The following OR51B5 variants were observed in gnomAD, a reference collection of about 807,000 sequenced individuals.
OR51B5 encodes the protein olfactory receptor 51B5.
For missense variants in OR51B5, 456 were observed against 374.6 expected (o/e 1.22, Z -1.79); for synonymous variants, 186 against 144.8 (o/e 1.28, Z -2.04).
chr11:5,423,131 C>A (rs1850382885), intron 1 of OR51B5: 6 of 1,599,120 alleles, frequency 3.8e-6, no homozygotes, highest in South Asian at 1.1e-5. Context: ...TTTCCTTTCC[C>A]TCAAAAATAT....
intron 1 of OR51B5, chr11:5,422,010 G>C (rs1321445307): frequency 1.8e-6 from 1 of 553,412 alleles, no homozygotes; most frequent in Non-Finnish European, 3.2e-6. Context: ...TGTGGGAGCA[G>C]TCTGCAGAAT....
intron 1 of OR51B5, among the ~76,000 whole-genome samples, chr11:5,407,272 T>C (rs958768487): frequency 6.6e-6 from 1 of 152,186 alleles, no homozygotes; most frequent in African/African-American, 2.4e-5. Context: ...CATATAATAA[T>C]AATCACCTGC....
rs549878637 is a variant in OR51B5 at position 5,450,323 on chromosome 11, A to C, written n.84+55246T>G. On this transcript the variant is annotated intron_variant and non_coding_transcript_variant, in intron 1 of 4. Transcript: ENST00000415970. ...AGAATCACCTGAACCTGGGAGACAGAGGTTGCAGTGAGCCAAGATTGCACC... is the reference window on the plus strand; with the variant it reads ...AGAATCACCTGAACCTGGGAGACAGCGGTTGCAGTGAGCCAAGATTGCACC... 5.3e-5 allele frequency among the ~76,000 whole-genome samples: 8 copies of C among 152,306 alleles called. No homozygotes were observed. The Middle Eastern group carries it at 0.014, about 259-fold the overall frequency.
chr11:5,478,904 T>C (rs4910803), intron 1 of OR51B5, among the ~76,000 whole-genome samples: 138,540 of 150,312 alleles, frequency 0.92, 64,278 homozygotes, highest in South Asian at 0.99. Context: ...CTGAAAGTGA[T>C]GAGGAGAATG....
chr11:5,376,888 G>A (rs1167462760), intron 1 of OR51B5, among the ~76,000 whole-genome samples: 1 of 147,494 alleles, frequency 6.8e-6, no homozygotes, highest in East Asian at 1.9e-4. Context: ...GGTACAAGGA[G>A]GAATTGGTAC....
At chr11:5,430,556 A>G in intron 1 of OR51B5, 2 of 368,100 alleles carry the variant, frequency 5.4e-6, no homozygotes, top group Non-Finnish European at 5.4e-6. Context: ...CCTTGTTCCT[A>G]TTCCTCCTCA....
At chr11:5,366,706 AGAG>A (rs1849374950) in intron 1 of OR51B5, among the ~76,000 whole-genome samples, 1 of 151,740 alleles carries the variant, frequency 6.6e-6, no homozygotes, top group South Asian at 2.1e-4. Flanking sequence ...AAGAAAAAGT[AGAG>A]GAGGAGGAAA....
intron 1 of OR51B5, among the ~76,000 whole-genome samples, chr11:5,480,604 C>A (rs1275674577): frequency 2.0e-4 from 31 of 151,812 alleles, no homozygotes; most frequent in Non-Finnish European, 7.4e-5. Context: ...AATTGATAGA[C>A]CGCTAGCAAG....
At chr11:5,401,397 T>C (rs1371965713) in intron 1 of OR51B5, among the ~76,000 whole-genome samples, 1 of 152,232 alleles carries the variant, frequency 6.6e-6, no homozygotes, top group African/African-American at 2.4e-5. Context: ...GAATCTTCCA[T>C]GCCTTTGCAC....
At chr11:5,340,369 T>G (rs1023059829), downstream of OR51B5, 3 of 152,156 alleles carry the variant, frequency 2.0e-5, no homozygotes. Flanking sequence ...ATCTATAATT[T>G]ACTCTAAATA....
intron 1 of OR51B5, among the ~76,000 whole-genome samples, chr11:5,358,553 C>T (rs149753861): frequency 6.6e-6 from 1 of 152,022 alleles, no homozygotes. Flanking sequence ...CAGCCAAATT[C>T]TACCAGAGGT....
At chr11:5,394,403 A>T (rs911386228) in intron 1 of OR51B5, among the ~76,000 whole-genome samples, 11 of 152,194 alleles carry the variant, frequency 7.2e-5, no homozygotes, top group African/African-American at 2.4e-4. Context: ...ACCAAAAAAA[A>T]CATAAAATCA....
At chr11:5,383,076 G>C (rs573420937) in intron 1 of OR51B5, among the ~76,000 whole-genome samples, 2 of 151,376 alleles carry the variant, frequency 1.3e-5, no homozygotes, top group Non-Finnish European at 3.0e-5. Context: ...ATAGTCTGGG[G>C]AAGAAGTACA....
intron 1 of OR51B5, among the ~76,000 whole-genome samples, chr11:5,388,753 G>A (rs2133727004): frequency 6.6e-6 from 1 of 152,022 alleles, no homozygotes; most frequent in South Asian, 2.1e-4. Context: ...GAATACAGTA[G>A]TACAAAAGAT....
chr11:5,487,590 T>A (rs563785995), intron 1 of OR51B5, among the ~76,000 whole-genome samples: 1 of 152,340 alleles, frequency 6.6e-6, no homozygotes, highest in East Asian at 1.9e-4. Flanking sequence ...CTGGCATTTC[T>A]ACTCAGAATT....
chr11:5,387,524 A>C (rs186712466), intron 1 of OR51B5, among the ~76,000 whole-genome samples: 1 of 152,304 alleles, frequency 6.6e-6, no homozygotes, highest in Admixed American at 6.5e-5. Flanking sequence ...CTCAACTCGA[A>C]GCTCACAAGT....
chr11:5,440,571 C>G (rs1437088096), intron 1 of OR51B5: 2 of 1,610,328 alleles, frequency 1.2e-6, no homozygotes, highest in Middle Eastern at 3.3e-4. Context: ...CAGCCTTCCT[C>G]AGGCCTGGGA....
At chr11:5,374,663 G>C (rs907071081) in intron 1 of OR51B5, among the ~76,000 whole-genome samples, 1 of 152,198 alleles carries the variant, frequency 6.6e-6, no homozygotes, top group African/African-American at 2.4e-5. Flanking sequence ...TGAAAGCCAA[G>C]GCTCGAGAAT....
chr11:5,416,540 C>T (rs1425521026), intron 1 of OR51B5, among the ~76,000 whole-genome samples: 1 of 151,520 alleles, frequency 6.6e-6, no homozygotes, highest in Non-Finnish European at 1.5e-5. Context: ...ATTGTCTCAG[C>T]CCAAAATCTC....
Sources: gnomAD v4.1 joint callset for allele counts (sites outside exome capture counted in the v4.1 genomes callset) on GRCh38, gnomAD v4.1.1 for gene constraint, MANE v1.5 for transcripts, NCBI Gene and HGNC (gene_info 2026-07-23, HGNC 2026-07-21) for gene names.